Variants in NTRK3 observed in about 807,000 individuals in gnomAD.
The protein encoded by NTRK3 is NT-3 growth factor receptor.
Under a neutral mutation model 91.7 loss-of-function variants are expected in NTRK3, and 24 were observed. That is an observed-to-expected ratio of 0.26 (90% CI 0.19 to 0.37). The LOEUF (loss-of-function observed/expected upper bound fraction) is 0.37. Among genes scored for constraint, NTRK3 ranks in the 10% least tolerant of loss-of-function variants. NTRK3 has a pLI of 1.00. For missense variants in NTRK3, 880 were observed against 1,068.9 expected, an observed-to-expected ratio of 0.82 and a Z score of 2.46; for synonymous variants, 483 against 404.0, an observed-to-expected ratio of 1.20 and a Z score of -2.34.
intron 3 of NTRK3, among the ~76,000 whole-genome samples, chr15:88,208,389 A>G (rs1046118828): frequency 2.6e-5 from 4 of 152,164 alleles, no homozygotes; most frequent in Middle Eastern, 3.2e-3. Flanking sequence ...GACACAAAGG[A>G]AATAAGATTC....
chr15:87,864,424 G>A (rs1424505558), exon 19 of NTRK3: 2 of 230,444 alleles, frequency 8.7e-6, no homozygotes, highest in Non-Finnish European at 1.7e-5. Flanking sequence ...TTCTTGTTGT[G>A]CCTGTTAACA....
intron 5 of NTRK3, among the ~76,000 whole-genome samples, chr15:88,150,444 A>C (rs906756951): frequency 6.6e-6 from 1 of 152,232 alleles, no homozygotes; most frequent in African/African-American, 2.4e-5. Flanking sequence ...AGTCAGAGGA[A>C]GGAGGGGTCC....
At chr15:88,209,939 A>G (rs570034393) in intron 3 of NTRK3, 12 of 152,518 alleles carry the variant, frequency 7.9e-5, no homozygotes, top group African/African-American at 2.6e-4. Context: ...AAAGCAGGCT[A>G]AACATATCCC....
At chr15:88,232,834 G>T (rs1479890794) in intron 3 of NTRK3, among the ~76,000 whole-genome samples, 1 of 152,098 alleles carries the variant, frequency 6.6e-6, no homozygotes, top group African/African-American at 2.4e-5. Context: ...GGAGAAGCTG[G>T]GATCATTCAA....
intron 10 of NTRK3, among the ~76,000 whole-genome samples, chr15:88,134,126 C>T (rs1567491566): frequency 1.3e-5 from 2 of 152,300 alleles, no homozygotes; most frequent in East Asian, 3.9e-4. Context: ...TCAGTTTTTA[C>T]ACTGTATCCC....
chr15:88,138,584 C>G (rs2042097918), intron 6 of NTRK3, among the ~76,000 whole-genome samples: 1 of 152,182 alleles, frequency 6.6e-6, no homozygotes, highest in Non-Finnish European at 1.5e-5. Flanking sequence ...GCCACACTGA[C>G]CTTGGTGTCT....
chr15:87,917,108 A>T (rs939649516), intron 17 of NTRK3, among the ~76,000 whole-genome samples: 3 of 152,196 alleles, frequency 2.0e-5, no homozygotes, highest in Non-Finnish European at 4.4e-5. Flanking sequence ...AGTTTTTCTG[A>T]GTCTTATAAT....
At position 88,028,413 on chromosome 15, in the gene NTRK3, G is replaced by A. The variant is rs2078227631; in HGVS notation, c.1585+4444C>T. Among the ~76,000 whole-genome samples the A allele has an allele frequency of 2.6e-5, 4 of 152,210 alleles. No homozygotes were observed. In the South Asian group the frequency reaches 8.3e-4, roughly 32 times the overall value. On this transcript the variant is annotated intron_variant, in intron 14 of 18. Transcript: ENST00000394480. The stretch of plus-strand genomic sequence containing the variant: ...ACTCGGATGCTAAGGAGGAAAGGAA[G>A]CTCAAAGGAACATGGTCAGGTTTTG...
At chr15:88,228,940 G>C (rs1179844935) in intron 3 of NTRK3, among the ~76,000 whole-genome samples, 1 of 152,212 alleles carries the variant, frequency 6.6e-6, no homozygotes, top group African/African-American at 2.4e-5. Flanking sequence ...GTTGTGGGGG[G>C]ACCTCTGGGG....
chr15:88,131,803 A>G (rs1180066317), intron 10 of NTRK3, among the ~76,000 whole-genome samples: 1 of 150,326 alleles, frequency 6.7e-6, no homozygotes, highest in African/African-American at 2.5e-5. Flanking sequence ...AAGCTTTGGA[A>G]GAAGGAGACA....
At chr15:87,967,723 C>G (rs1191954723) in intron 14 of NTRK3, among the ~76,000 whole-genome samples, 1 of 152,180 alleles carries the variant, frequency 6.6e-6, no homozygotes, top group Non-Finnish European at 1.5e-5. Context: ...CCAGAGCAAG[C>G]AAACAGCCCC....
intron 11 of NTRK3, among the ~76,000 whole-genome samples, chr15:88,128,419 T>G (rs565148290): frequency 2.6e-5 from 4 of 152,142 alleles, no homozygotes; most frequent in Non-Finnish European, 4.4e-5. Flanking sequence ...GAAACCCATG[T>G]CCATCCTCAC....
intron 13 of NTRK3, among the ~76,000 whole-genome samples, chr15:88,115,882 T>C (rs959872750): frequency 5.7e-4 from 87 of 152,110 alleles, no homozygotes; most frequent in African/African-American, 2.1e-3. Flanking sequence ...ACAGACCCAC[T>C]CCGAGCCACT....
At chr15:87,908,097 C>G (rs75184375) in intron 17 of NTRK3, among the ~76,000 whole-genome samples, 2,978 of 152,274 alleles carry the variant, frequency 0.02, 40 homozygotes, top group Non-Finnish European at 0.032. Context: ...GTACTCAAAA[C>G]TCAAGGTCAC....
intron 12 of NTRK3, 132 bp downstream of exon 12, chr15:88,127,030 C>T (rs1442658363): frequency 1.9e-5 from 15 of 807,066 alleles, no homozygotes; most frequent in African/African-American, 8.5e-5. Flanking sequence ...ACTGCCTGAA[C>T]GTAGTTCAAT....
At chr15:88,154,796 T>C (rs1450621436) in intron 5 of NTRK3, among the ~76,000 whole-genome samples, 2 of 152,090 alleles carry the variant, frequency 1.3e-5, no homozygotes, top group Non-Finnish European at 2.9e-5. Context: ...TGCTTGAAAA[T>C]TGTATTAAAA....
intron 13 of NTRK3, among the ~76,000 whole-genome samples, chr15:88,039,201 G>A (rs1276893482): frequency 1.3e-5 from 2 of 150,328 alleles, no homozygotes; most frequent in African/African-American, 2.5e-5. Context: ...ACCTGTTATC[G>A]GCCTCTCTGC....
intron 3 of NTRK3, among the ~76,000 whole-genome samples, chr15:88,188,852 A>G (rs542362962): frequency 6.6e-6 from 1 of 152,330 alleles, no homozygotes; most frequent in South Asian, 2.1e-4. Flanking sequence ...ACTGGCCAAG[A>G]GCCTTTTCTC....
At chr15:88,024,520 G>T (rs1029196909) in intron 14 of NTRK3, among the ~76,000 whole-genome samples, 2 of 152,180 alleles carry the variant, frequency 1.3e-5, no homozygotes, top group East Asian at 3.9e-4. Context: ...TGGAGTTTTG[G>T]CAATGTCATG....
Sources: gnomAD v4.1 joint callset for allele counts (sites outside exome capture counted in the v4.1 genomes callset) on GRCh38, gnomAD v4.1.1 for gene constraint, MANE v1.5 for transcripts, NCBI Gene and HGNC (gene_info 2026-07-23, HGNC 2026-07-21) for gene names.